Variants in NRL observed in about 807,000 individuals in gnomAD.
NRL encodes the protein neural retina-specific leucine zipper protein.
Under a neutral mutation model 12.5 loss-of-function variants are expected in NRL, and 16 were observed. That is an observed-to-expected ratio of 1.28 (90% CI 0.87 to 1.95). The LOEUF (loss-of-function observed/expected upper bound fraction) is 1.95. Among genes scored for constraint, NRL ranks in the 30% most tolerant of loss-of-function variants. The pLI is 0.00. For missense variants in NRL, 314 were observed against 325.8 expected, an observed-to-expected ratio of 0.96 and a Z score of 0.28; for synonymous variants, 142 against 150.9, an observed-to-expected ratio of 0.94 and a Z score of 0.43.
At chr14:24,106,749 T>C (rs1295115062) in intron 1 of NRL, among the ~76,000 whole-genome samples, 1 of 147,972 alleles carries the variant, frequency 6.8e-6, no homozygotes, top group African/African-American at 2.5e-5. Context: ...TAAATAAATT[T>C]AAAAATTTAA....
intron 1 of NRL, chr14:24,095,067 G>A (rs917226286): frequency 1.8e-5 from 8 of 455,540 alleles, no homozygotes; most frequent in Non-Finnish European, 3.1e-5. Flanking sequence ...GTCCAGGCCT[G>A]GAGCCCCCAG....
chr14:24,090,740 G>A (rs1021835899), intron 1 of NRL, among the ~76,000 whole-genome samples: 2 of 152,226 alleles, frequency 1.3e-5, no homozygotes, highest in Non-Finnish European at 2.9e-5. Flanking sequence ...GCCAGCTGGT[G>A]GGCCAGGCTC....
rs138196716 is a variant in NRL at position 24,104,400 on chromosome 14, C to T, written c.-28+10322G>A. Among the ~76,000 whole-genome samples the T allele has an allele frequency of 8.7e-4, 131 of 150,900 alleles. 2 individuals are homozygous for T. In the East Asian group the frequency reaches 0.021, roughly 24 times the overall value. ...ATCCCAGCACTTTGGGAGGCTGAGGCGCACAGATCACGAGGTCAGGGGATT... is the reference window on the plus strand; with the variant it reads ...ATCCCAGCACTTTGGGAGGCTGAGGTGCACAGATCACGAGGTCAGGGGATT... On this transcript the variant is annotated intron_variant, in intron 1 of 2. Transcript: ENST00000561028.
At chr14:24,088,928 C>A (rs1254451757) in intron 1 of NRL, among the ~76,000 whole-genome samples, 1 of 150,720 alleles carries the variant, frequency 6.6e-6, no homozygotes, top group African/African-American at 2.4e-5. Context: ...GCCTCAGACT[C>A]CGGCTGGAAC....
chr14:24,109,367 T>G (rs1333925968), intron 1 of NRL, among the ~76,000 whole-genome samples: 1 of 152,126 alleles, frequency 6.6e-6, no homozygotes, highest in Non-Finnish European at 1.5e-5. Flanking sequence ...ACATTACAGG[T>G]CATAGTGAGA....
At chr14:24,091,754 TG>T (rs1179104153) in intron 1 of NRL, among the ~76,000 whole-genome samples, 1 of 152,168 alleles carries the variant, frequency 6.6e-6, no homozygotes, top group Non-Finnish European at 1.5e-5. Flanking sequence ...TGTATGTACT[TG>T]TGGTAAACAA....
chr14:24,102,785 C>G lies in NRL; in HGVS notation c.-28+11937G>C. 6 of 1,613,908 alleles carry G rather than the reference C, an allele frequency of 3.7e-6. No homozygotes were observed. Among genetic ancestry groups the G allele is most frequent in the Non-Finnish European group, 5.1e-6 (6 of 1,179,794 alleles). The stretch of plus-strand genomic sequence containing the variant: ...GGAGCCCTGTGCACATCCCAACTCT[C>G]GATTTTGTGCCCCGGCTCGCCAGTG... On this transcript the variant is annotated intron_variant, in intron 1 of 2. Transcript: ENST00000561028.
chr14:24,097,718 G>T (rs1462412140), intron 1 of NRL, among the ~76,000 whole-genome samples: 1 of 151,648 alleles, frequency 6.6e-6, no homozygotes, highest in Admixed American at 6.6e-5. Flanking sequence ...CTCAGCCTCC[G>T]GAGTAGCTGG....
chr14:24,110,119 C>A (rs544506957), intron 1 of NRL, among the ~76,000 whole-genome samples: 4 of 146,300 alleles, frequency 2.7e-5, no homozygotes, highest in African/African-American at 1.0e-4. Flanking sequence ...TATTATTATA[C>A]TTTTTTTTTT....
intron 1 of NRL, chr14:24,098,699 A>G: frequency 6.2e-7 from 1 of 1,603,190 alleles, no homozygotes; most frequent in South Asian, 1.1e-5. Flanking sequence ...GCTCTGCCCC[A>G]AGGGGAACAC....
At chr14:24,089,631 A>G (rs2036562168) in intron 1 of NRL, among the ~76,000 whole-genome samples, 1 of 152,238 alleles carries the variant, frequency 6.6e-6, no homozygotes, top group South Asian at 2.1e-4. Flanking sequence ...ATGTGTCTAC[A>G]TAAAAACAAA....
rs1566589182 is a variant in NRL at position 24,114,922 on chromosome 14, C to A, written c.-228G>T. 2 of 986,036 alleles carry A rather than the reference C, an allele frequency of 2.0e-6. No homozygotes were observed. Among genetic ancestry groups the A allele is most frequent in the Non-Finnish European group, 2.4e-6 (2 of 830,008 alleles). The allele number at this position is 986,036 out of a possible 1,614,324, so 61.1% of individuals were successfully genotyped here. On this transcript the variant is annotated 5_prime_UTR_variant, in exon 1 of 3. Coordinates refer to ENST00000561028, the MANE Select transcript of NRL (RefSeq NM_001354768.3). Reference sequence around the variant, plus strand: ...CTGCGGGTCCTGCGACCGCTCCTGGCTGGTGGGTGGTCTCGCGTGGGGCGG... The same window carrying A: ...CTGCGGGTCCTGCGACCGCTCCTGGATGGTGGGTGGTCTCGCGTGGGGCGG...
chr14:24,099,694 T>C lies in NRL; in HGVS notation c.-28+15028A>G. The C allele has an allele frequency of 1.2e-6, 2 of 1,614,066 alleles. No individual in the cohort carries two copies. The highest frequency in any genetic ancestry group is 1.6e-4 in the Middle Eastern group (1 of 6,062). On this transcript the variant is annotated intron_variant, in intron 1 of 2. Transcript: ENST00000561028. ...AAAGTGGAGTGTGTGGGGGATGATA[T>C]TGCTTGGATGAGGTTTGACAGTGAA...
Position 24,079,344 on chromosome 14 carries a change from A to G in NRL, c.*1892T>C, listed in dbSNP as rs1409901065. Among the ~76,000 whole-genome samples the G allele has an allele frequency of 5.9e-5, 9 of 152,232 alleles. No individual in the cohort carries two copies. The highest frequency in any genetic ancestry group is 1.2e-4 in the Non-Finnish European group (8 of 68,040). ...AGGTGAAATTTAGAGTGAGAGAAAA[A>G]GAGCTGGGCTCCCGGAAGGACCCTC... On this transcript the variant is annotated 3_prime_UTR_variant, in exon 3 of 3. Transcript: ENST00000561028.
At position 24,093,703 on chromosome 14, in the gene NRL, G is replaced by T. The variant is rs535185122; in HGVS notation, c.-27-10828C>A. ...GTCAGGGGAAGAGGGGATGTGCCGG[G>T]GGAGGAGAATGACCAGATCAGAGGA... On this transcript the variant is annotated intron_variant, in intron 1 of 2. Transcript: ENST00000561028. Among the ~76,000 whole-genome samples, 4 of 152,272 alleles carry T rather than the reference G, an allele frequency of 2.6e-5. No homozygotes were observed. The East Asian group carries it at 7.7e-4, about 29-fold the overall frequency.
chr14:24,113,895 G>T (rs1218542476), intron 1 of NRL, among the ~76,000 whole-genome samples: 2 of 152,262 alleles, frequency 1.3e-5, no homozygotes, highest in African/African-American at 4.8e-5. Context: ...TGCAGGGAAT[G>T]AAGTTCAGCT....
intron 1 of NRL, chr14:24,103,431 TTCC>T: frequency 7.6e-7 from 1 of 1,318,084 alleles, no homozygotes; most frequent in African/African-American, 1.5e-5. Context: ...CTTTCACAGC[TTCC>T]TCCAACTGGA....
At chr14:24,105,161 T>C (rs1257622093) in intron 1 of NRL, among the ~76,000 whole-genome samples, 1 of 152,244 alleles carries the variant, frequency 6.6e-6, no homozygotes, top group African/African-American at 2.4e-5. Flanking sequence ...AATGAAGAGA[T>C]GGGCTCTGGC....
chr14:24,098,253 C>A (rs756628023), intron 1 of NRL: 2 of 1,614,010 alleles, frequency 1.2e-6, no homozygotes, highest in South Asian at 1.1e-5. Context: ...GAGAGCAAGA[C>A]GGTGATTGTA....
Sources: allele counts gnomAD v4.1 joint callset (sites outside exome capture counted in the v4.1 genomes callset), GRCh38; gene constraint gnomAD v4.1.1; transcripts MANE v1.5; gene names NCBI Gene and HGNC (gene_info 2026-07-23, HGNC 2026-07-21).